KCNH8: variants seen among roughly 807,000 people sequenced by gnomAD.
The protein encoded by KCNH8 is voltage-gated delayed rectifier potassium channel KCNH8.
A neutral mutation model predicts 103.6 loss-of-function variants in KCNH8; 70 were observed. The observed-to-expected ratio is 0.68, with a 90% confidence interval of 0.56 to 0.82. The LOEUF (loss-of-function observed/expected upper bound fraction) is 0.82. Ranked by LOEUF, KCNH8 falls within the 40% of genes least tolerant of loss-of-function variation. KCNH8 has a pLI of 0.00. For missense variants in KCNH8, 1,217 were observed against 1,329.9 expected (o/e 0.92, Z 1.32); for synonymous variants, 498 against 489.4 (o/e 1.02, Z -0.23).
chr3:19,431,706 A>G (rs1457482585), intron 7 of KCNH8, among the ~76,000 whole-genome samples: 3 of 151,856 alleles, frequency 2.0e-5, no homozygotes, highest in African/African-American at 4.9e-5. Flanking sequence ...CAGGGATTCA[A>G]TTTCTTTCTG....
chr3:19,472,301 C>T (rs1434109233), intron 11 of KCNH8, among the ~76,000 whole-genome samples: 1 of 150,558 alleles, frequency 6.6e-6, no homozygotes, highest in Non-Finnish European at 1.5e-5. Context: ...TATATACCAT[C>T]CAGTAAAGCT....
intron 5 of KCNH8, among the ~76,000 whole-genome samples, chr3:19,353,415 G>A (rs140208967): frequency 4.6e-5 from 7 of 152,142 alleles, no homozygotes; most frequent in Non-Finnish European, 1.0e-4. Context: ...TCAAAGCCTG[G>A]CAGAGACAAA....
intron 3 of KCNH8, among the ~76,000 whole-genome samples, chr3:19,292,821 C>G (rs1372916034): frequency 6.6e-6 from 1 of 152,164 alleles, no homozygotes; most frequent in Non-Finnish European, 1.5e-5. Context: ...CCAAGGGCCT[C>G]TTTCTATGAG....
intron 14 of KCNH8, among the ~76,000 whole-genome samples, chr3:19,517,330 CCAA>C (rs1303895384): frequency 2.0e-5 from 3 of 152,014 alleles, no homozygotes; most frequent in African/African-American, 7.2e-5. Context: ...TCTTCCCCCA[CCAA>C]CAAGTTTTCT....
intron 11 of KCNH8, among the ~76,000 whole-genome samples, chr3:19,477,515 C>T (rs974866878): frequency 1.3e-5 from 2 of 151,604 alleles, no homozygotes; most frequent in African/African-American, 4.8e-5. Context: ...CACTGCCCAA[C>T]AGGCTCCAAA....
At position 19,393,416 on chromosome 3, in the gene KCNH8, A is replaced by G. The variant is rs1035905448; in HGVS notation, c.970-1688A>G. ...AAGTTCCTAATATTTGCAGATGACT[A>G]TTGTTCTCATGTACAAGCAGCTCTA... On this transcript the variant is annotated intron_variant, in intron 6 of 15. Transcript: ENST00000328405. Among the ~76,000 whole-genome samples, 9 of 152,040 alleles carry G rather than the reference A, an allele frequency of 5.9e-5. No individual in the cohort carries two copies. In the East Asian group the frequency reaches 9.7e-4, roughly 16 times the overall value.
At chr3:19,532,512 T>G (rs1382100938) in intron 15 of KCNH8, among the ~76,000 whole-genome samples, 2 of 152,218 alleles carry the variant, frequency 1.3e-5, no homozygotes, top group African/African-American at 4.8e-5. Context: ...TGGCCTATAA[T>G]AAGCATAGGC....
At chr3:19,476,698 C>T (rs573530192) in intron 11 of KCNH8, among the ~76,000 whole-genome samples, 156 of 152,080 alleles carry the variant, frequency 1.0e-3, no homozygotes, top group Non-Finnish European at 2.1e-3. Flanking sequence ...TACATCATTG[C>T]TGAGAGATTT....
chr3:19,247,642 A>G (rs1171163717), intron 1 of KCNH8, among the ~76,000 whole-genome samples: 1 of 152,222 alleles, frequency 6.6e-6, no homozygotes, highest in Admixed American at 6.5e-5. Context: ...TGCTAACCCA[A>G]TGCAAGGATT....
chr3:19,441,612 A>G (rs752635940), intron 8 of KCNH8, among the ~76,000 whole-genome samples: 5 of 152,230 alleles, frequency 3.3e-5, no homozygotes, highest in Non-Finnish European at 5.9e-5. Flanking sequence ...TTACTGAACT[A>G]TAAGACTGCT....
intron 8 of KCNH8, among the ~76,000 whole-genome samples, chr3:19,444,933 A>G (rs2067341006): frequency 2.0e-5 from 3 of 151,986 alleles, no homozygotes; most frequent in Non-Finnish European, 4.4e-5. Context: ...AACATCTACC[A>G]TATCTGAATA....
chr3:19,245,488 T>G (rs2064192661), intron 1 of KCNH8, among the ~76,000 whole-genome samples: 1 of 152,240 alleles, frequency 6.6e-6, no homozygotes, highest in Admixed American at 6.5e-5. Flanking sequence ...ATTCTAATTC[T>G]GTGAAGGATG....
chr3:19,432,750 TG>T (rs1488719260), intron 7 of KCNH8, among the ~76,000 whole-genome samples: 1 of 152,194 alleles, frequency 6.6e-6, no homozygotes, highest in African/African-American at 2.4e-5. Context: ...CATTGTGAAT[TG>T]TAAGTATTTT....
rs531966998 is a variant in KCNH8, at chr3:19,531,949, T to C, written c.2620-1446T>C. Among the ~76,000 whole-genome samples the C allele has an allele frequency of 4.6e-5, 7 of 152,362 alleles. No individual in the cohort carries two copies. In the East Asian group the frequency reaches 1.2e-3, roughly 25 times the overall value. On this transcript the variant is annotated intron_variant, in intron 15 of 15. Coordinates refer to ENST00000328405, the MANE Select transcript of KCNH8 (RefSeq NM_144633.3). ...TCCTTTATAAAAATACAAAGTATTA[T>C]AGCAATGAAGGCAAAACATTACATT...
chr3:19,460,364 A>C (rs981762902), intron 11 of KCNH8, among the ~76,000 whole-genome samples: 3 of 152,094 alleles, frequency 2.0e-5, no homozygotes, highest in African/African-American at 7.2e-5. Context: ...TTAGCCTTCT[A>C]GGTGCTATTT....
rs59926471 is a variant in KCNH8 at position 19,271,998 on chromosome 3, G to A, written c.311-9200G>A. On this transcript the variant is annotated intron_variant, in intron 2 of 15. Coordinates refer to ENST00000328405, the MANE Select transcript of KCNH8 (RefSeq NM_144633.3). Reference sequence around the variant, plus strand: ...CTTATCAAATCAAATAAATTAATGAGAATCTGAACCTTGAAAAAGACAAAA... The same window carrying A: ...CTTATCAAATCAAATAAATTAATGAAAATCTGAACCTTGAAAAAGACAAAA... Among the ~76,000 whole-genome samples, 453 of 152,148 alleles carry A rather than the reference G, an allele frequency of 3.0e-3. 7 individuals carry two copies. In the East Asian group the frequency reaches 0.063, roughly 21 times the overall value.
intron 1 of KCNH8, among the ~76,000 whole-genome samples, chr3:19,230,846 G>A (rs559192718): frequency 6.6e-6 from 1 of 152,154 alleles, no homozygotes; most frequent in Non-Finnish European, 1.5e-5. Flanking sequence ...TTCGTTCTTC[G>A]GAACGCAAAT....
intron 3 of KCNH8, among the ~76,000 whole-genome samples, chr3:19,321,054 G>T (rs2125303695): frequency 6.6e-6 from 1 of 151,936 alleles, no homozygotes; most frequent in Non-Finnish European, 1.5e-5. Flanking sequence ...TTCTAATTGA[G>T]CTTATTTGGA....
At chr3:19,450,009 G>C in intron 8 of KCNH8, 97 bp from the exon 9 acceptor site, 2 of 1,007,404 alleles carry the variant, frequency 2.0e-6, no homozygotes, top group South Asian at 3.1e-5. Flanking sequence ...ACCATGCTCT[G>C]CTCTGCTCTG....
Sources: allele counts gnomAD v4.1 joint callset (sites outside exome capture counted in the v4.1 genomes callset), GRCh38; gene constraint gnomAD v4.1.1; transcripts MANE v1.5; gene names NCBI Gene and HGNC (gene_info 2026-07-23, HGNC 2026-07-21).